The following C4BPA variants were observed in gnomAD, a reference collection of about 807,000 sequenced individuals.
C4BPA encodes the protein C4b-binding protein alpha chain.
Under a neutral mutation model 63.7 loss-of-function variants are expected in C4BPA, and 31 were observed. That is an observed-to-expected ratio of 0.49 (90% CI 0.37 to 0.66). The LOEUF (loss-of-function observed/expected upper bound fraction) is 0.66. Ranked by LOEUF, C4BPA falls within the 30% of genes least tolerant of loss-of-function variation. The pLI, the probability that C4BPA is intolerant of heterozygous loss-of-function variation, is 0.00. For synonymous variants in C4BPA, 259 were observed against 254.7 expected, an observed-to-expected ratio of 1.02 and a Z score of -0.16; for missense variants, 572 against 723.3, an observed-to-expected ratio of 0.79 and a Z score of 2.40.
In C4BPA at chr1:207,123,922, AT is replaced by A; in HGVS notation, c.434del (p.Phe145SerfsTer2). 1.3e-6 allele frequency: 2 copies of A among 1,596,858 alleles called. No individual in the cohort carries two copies. The highest frequency in any genetic ancestry group is 1.7e-6 in the Non-Finnish European group (2 of 1,166,482). ...SQIEFSCSEGFFLIGSTTSRC... is the reference protein window; with the variant it reads ...SQIEFSCSEGXFLIGSTTSRC... ...AAAATCTTTGATCTATCTTATTCAG[AT>A]TTTTCTTAATTGGCTCAACCACTAG... On this transcript the variant is annotated frameshift_variant and splice_region_variant, in exon 5 of 12. Transcript: ENST00000367070. LOFTEE classifies it high-confidence loss of function.
intron 6 of C4BPA, among the ~76,000 whole-genome samples, chr1:207,125,790 T>G (rs540136392): frequency 1.3e-5 from 2 of 152,180 alleles, no homozygotes; most frequent in South Asian, 2.1e-4. Context: ...AGGAACAGAC[T>G]AAGACAGCAC....
At position 207,119,726 on chromosome 1, in the gene C4BPA, G is replaced by C. The variant is rs1481180545; in HGVS notation, c.429-4196G>C. Among the ~76,000 whole-genome samples, 4 of 92,142 alleles carry C rather than the reference G, an allele frequency of 4.3e-5. 1 individual carries two copies. The highest frequency in any genetic ancestry group is 1.2e-4 in the African/African-American group (4 of 32,934). 60.4% of individuals were successfully genotyped at this position (92,142 alleles called of 152,430 possible). On this transcript the variant is annotated intron_variant, in intron 4 of 11. Transcript: ENST00000367070. ...CATCTTATACAGTAGGGGAAGGAAAGGGGTAAAAAGAAACACAATTAATGT... is the reference window on the plus strand; with the variant it reads ...CATCTTATACAGTAGGGGAAGGAAACGGGTAAAAAGAAACACAATTAATGT...
rs1424102379 is a variant in C4BPA, at chr1:207,131,683, C to T, written c.1027C>T (p.Pro343Ser). The T allele has an allele frequency of 3.1e-6, 5 of 1,613,766 alleles. No homozygotes were observed. The highest frequency in any genetic ancestry group is 4.2e-6 in the Non-Finnish European group (5 of 1,179,906). ...HPGYKPTTDE[P>S]TTVICQKNLR... is the part of the protein sequence containing the mutation. ...TGGCTACAAACCCACTACAGATGAGCCTACGACTGTGATTTGTCAGAAAAA... is the reference window on the plus strand; with the variant it reads ...TGGCTACAAACCCACTACAGATGAGTCTACGACTGTGATTTGTCAGAAAAA... Residue 343 changes from proline (P) to serine (S), a missense_variant, in exon 8 of 12, where the codon CCT becomes TCT. Physicochemically the swap from Pro to Ser is moderately conservative, Grantham distance 74. Coordinates refer to ENST00000367070, the MANE Select transcript of C4BPA (RefSeq NM_000715.4).
intron 6 of C4BPA, among the ~76,000 whole-genome samples, chr1:207,125,758 G>A (rs905449926): frequency 2.0e-5 from 3 of 152,164 alleles, no homozygotes; most frequent in Non-Finnish European, 2.9e-5. Context: ...ATAAACTAGT[G>A]AAAGTATTTT....
At chr1:207,104,895 C>A (rs1052986422) in intron 1 of C4BPA, among the ~76,000 whole-genome samples, 1 of 152,166 alleles carries the variant, frequency 6.6e-6, no homozygotes, top group African/African-American at 2.4e-5. Context: ...TCTCCTCCAC[C>A]ACTGACAGCA....
At chr1:207,127,852 C>T (rs1685079484) in intron 7 of C4BPA, among the ~76,000 whole-genome samples, 1 of 152,198 alleles carries the variant, frequency 6.6e-6, no homozygotes, top group Non-Finnish European at 1.5e-5. Context: ...TCTGTGGGCT[C>T]ATCCCACAAG....
At chr1:207,112,200 A>ATG (rs201164016) in intron 1 of C4BPA, among the ~76,000 whole-genome samples, 10 of 146,032 alleles carry the variant, frequency 6.8e-5, no homozygotes, top group African/African-American at 1.0e-4. Context: ...ATATATATAT[A>ATG]TGTGTGTGTG....
rs1684583426 is a variant in C4BPA, at chr1:207,107,412, G to T, written c.-26+2982G>T. ...AAAAATTAAAAAATTAGCTGGGTGT[G>T]ATGGCACGCTCCTGTGGTCCCAGCT... On this transcript the variant is annotated intron_variant, in intron 1 of 11. Transcript: ENST00000367070. Among the ~76,000 whole-genome samples the T allele has an allele frequency of 1.3e-5, 2 of 152,146 alleles. 1 individual carries two copies. The highest frequency in any genetic ancestry group is 1.3e-4 in the Admixed American group (2 of 15,272).
chr1:207,141,078 T>C, intron 9 of C4BPA, 28 bp from the exon 10 acceptor site: 2 of 1,581,892 alleles, frequency 1.3e-6, no homozygotes, highest in Middle Eastern at 1.7e-4. Context: ...AAACTAATGC[T>C]CTCTCACTTT....
intron 1 of C4BPA, among the ~76,000 whole-genome samples, chr1:207,112,168 G>A (rs1430659103): frequency 1.3e-5 from 2 of 151,554 alleles, no homozygotes; most frequent in African/African-American, 4.9e-5. Flanking sequence ...AAATAAAAGT[G>A]CATTTGCCAT....
chr1:207,138,784 T>C (rs1217390079), intron 9 of C4BPA, among the ~76,000 whole-genome samples: 2 of 152,254 alleles, frequency 1.3e-5, no homozygotes, highest in Non-Finnish European at 2.9e-5. Context: ...TTAGGTGCTG[T>C]ACTGCATTCT....
In C4BPA at chr1:207,144,875, T is replaced by A. The variant is rs192104454; in HGVS notation, c.*158T>A. ...GCTAAAGTTTAGTGCTTTGAGATTG[T>A]GAAATTATTAATCATCCTCTGTGTG... On this transcript the variant is annotated 3_prime_UTR_variant, in exon 12 of 12. Transcript: ENST00000367070. 2.8e-5 allele frequency: 12 copies of A among 435,320 alleles called. No individual in the cohort carries two copies. In the Admixed American group the frequency reaches 4.3e-4, roughly 15 times the overall value. The allele number at this position is 435,320 out of a possible 1,614,324, so 27.0% of individuals were successfully genotyped here. A position where few individuals can be genotyped will look rare whatever the true frequency, so the allele number is the denominator to read the frequency against.
At chr1:207,134,983 C>G (rs1020606511) in intron 9 of C4BPA, among the ~76,000 whole-genome samples, 1 of 152,186 alleles carries the variant, frequency 6.6e-6, no homozygotes, top group Admixed American at 6.5e-5. Flanking sequence ...CCTTCTGTTA[C>G]CTCTGAGCCC....
At chr1:207,116,387 G>C (rs1389047487) in intron 4 of C4BPA, among the ~76,000 whole-genome samples, 1 of 150,614 alleles carries the variant, frequency 6.6e-6, no homozygotes, top group Non-Finnish European at 1.5e-5. Context: ...TTAACTTGTT[G>C]AACTTTTTAT....
intron 6 of C4BPA, among the ~76,000 whole-genome samples, chr1:207,124,898 T>C (rs755270285): frequency 3.3e-5 from 5 of 152,214 alleles, no homozygotes; most frequent in Non-Finnish European, 5.9e-5. Context: ...CTCAGAGGAC[T>C]GGGGAATGTA....
In C4BPA at chr1:207,126,843, T is replaced by A; in HGVS notation, c.837T>A (p.Ile279=). The A allele has an allele frequency of 1.2e-6, 2 of 1,613,500 alleles. No homozygotes were observed. Among genetic ancestry groups the A allele is most frequent in the Non-Finnish European group, 1.7e-6 (2 of 1,179,668 alleles). The change falls in exon 7 of 12, where the codon ATT becomes ATA. Residue 279 remains isoleucine, a synonymous_variant. Transcript: ENST00000367070. ...TTGTTCTCAGAGGCAGCAGTGTAAT[T>A]CATTGTGATGCTGATAGCAAATGGA... ...KGFVLRGSSV[I]HCDADSKWNP...
chr1:207,117,442 C>T (rs1037327114), intron 4 of C4BPA, among the ~76,000 whole-genome samples: 1 of 152,098 alleles, frequency 6.6e-6, no homozygotes, highest in African/African-American at 2.4e-5. Flanking sequence ...CAGGGCAAGA[C>T]CTCATCTCGA....
At chr1:207,142,274 A>T (rs914460831) in intron 10 of C4BPA, among the ~76,000 whole-genome samples, 2 of 152,222 alleles carry the variant, frequency 1.3e-5, no homozygotes, top group Non-Finnish European at 2.9e-5. Flanking sequence ...GCTGCATAGT[A>T]TTCCATGGTG....
chr1:207,127,040 T>C (rs1685060963), intron 7 of C4BPA, 145 bp downstream of exon 7: 1 of 612,166 alleles, frequency 1.6e-6, no homozygotes, highest in African/African-American at 1.9e-5. Flanking sequence ...TATTTTTTTC[T>C]TGTTGGAAAG....
Sources: gnomAD v4.1 joint callset for allele counts (sites outside exome capture counted in the v4.1 genomes callset) on GRCh38, gnomAD v4.1.1 for gene constraint, MANE v1.5 for transcripts, NCBI Gene and HGNC (gene_info 2026-07-23, HGNC 2026-07-21) for gene names.